RNF212: variants seen among roughly 807,000 people sequenced by gnomAD.
The protein encoded by RNF212 is ring finger protein 212, also known as probable E3 SUMO-protein ligase RNF212.
Under a neutral mutation model 34.7 loss-of-function variants are expected in RNF212, and 33 were observed. The ratio of observed to expected loss-of-function variants is 0.95; its 90% CI spans 0.72 to 1.27. The LOEUF (loss-of-function observed/expected upper bound fraction) is 1.27, where lower values mean the gene tolerates loss of function less well. Ranked by LOEUF, RNF212 falls within the 50% of genes most tolerant of loss-of-function variation. RNF212 has a pLI of 0.00. For missense variants in RNF212, 377 were observed against 362.2 expected, an observed-to-expected ratio of 1.04 and a Z score of -0.33; for synonymous variants, 140 against 136.1, an observed-to-expected ratio of 1.03 and a Z score of -0.20.
chr4:1,057,469 G>C (rs535819248), intron 4 of RNF212, among the ~76,000 whole-genome samples: 12 of 152,296 alleles, frequency 7.9e-5, no homozygotes, highest in African/African-American at 2.9e-4. Context: ...AGGGGGAGGT[G>C]AACTGTGGTC....
At chr4:1,098,529 CCTGG>C (rs917204872) in intron 2 of RNF212, among the ~76,000 whole-genome samples, 1 of 152,092 alleles carries the variant, frequency 6.6e-6, no homozygotes, top group African/African-American at 2.4e-5. Flanking sequence ...AGAGGGGAGA[CCTGG>C]CTCTGGCTCG....
chr4:1,082,917 C>T (rs1024985680), intron 5 of RNF212, among the ~76,000 whole-genome samples: 5 of 152,186 alleles, frequency 3.3e-5, no homozygotes, highest in African/African-American at 1.2e-4. Flanking sequence ...CTCTAAAATG[C>T]ACTGTTTCGT....
intron 1 of RNF212, among the ~76,000 whole-genome samples, chr4:1,110,377 A>G (rs1383012828): frequency 6.6e-6 from 1 of 152,158 alleles, no homozygotes; most frequent in East Asian, 1.9e-4. Flanking sequence ...GAATAGAAAC[A>G]GGCACTTCCT....
chr4:1,075,195 C>T (rs1479362805), intron 8 of RNF212, among the ~76,000 whole-genome samples: 1 of 152,240 alleles, frequency 6.6e-6, no homozygotes, highest in Non-Finnish European at 1.5e-5. Context: ...GGTGTGTTCA[C>T]ATCTGCATTT....
At position 1,097,656 on chromosome 4, in the gene RNF212, C is replaced by T. The variant is rs535862164; in HGVS notation, c.172-817G>A. ...TTCCTTCACAAGTGCCTTCAGGATG[C>T]CCTGCCTCACCTCCCTGCACCTCTG... is the stretch of plus-strand genomic sequence containing the variant. On this transcript the variant is annotated intron_variant, in intron 2 of 9. Transcript: ENST00000433731. Among the ~76,000 whole-genome samples, 6 of 152,196 alleles carry T rather than the reference C, an allele frequency of 3.9e-5. No homozygotes were observed. The East Asian group carries it at 9.7e-4, about 25-fold the overall frequency.
chr4:1,089,444 T>C (rs1721842087), intron 4 of RNF212, among the ~76,000 whole-genome samples: 2 of 152,242 alleles, frequency 1.3e-5, no homozygotes, highest in Non-Finnish European at 2.9e-5. Flanking sequence ...TTGTTTTTGA[T>C]TCTACAGGCT....
At chr4:1,085,579 C>G in intron 5 of RNF212, 1 of 436,510 alleles carries the variant, frequency 2.3e-6, no homozygotes, top group South Asian at 3.4e-5. Context: ...AGGGCCACCC[C>G]ACCTGTGCTG....
chr4:1,108,310 A>G, intron 2 of RNF212, 33 bp downstream of exon 2: 1 of 1,362,588 alleles, frequency 7.3e-7, no homozygotes, highest in Non-Finnish European at 9.9e-7. Context: ...TATGACTGTG[A>G]TTAAGATGCA....
chr4:1,090,880 GT>G, intron 3 of RNF212, 42 bp from the exon 4 acceptor site: 1 of 1,319,072 alleles, frequency 7.6e-7, no homozygotes, highest in Non-Finnish European at 1.1e-6. Context: ...CAGATCCACG[GT>G]CTCTGTGGCT....
intron 3 of RNF212, among the ~76,000 whole-genome samples, chr4:1,064,297 C>G (rs757814155): frequency 1.3e-5 from 2 of 152,200 alleles, no homozygotes; most frequent in African/African-American, 4.8e-5. Flanking sequence ...GGAATTCAGT[C>G]GGTGTTCACC....
intron 8 of RNF212, among the ~76,000 whole-genome samples, chr4:1,078,494 G>A (rs1051475893): frequency 6.6e-6 from 1 of 152,184 alleles, no homozygotes; most frequent in East Asian, 1.9e-4. Flanking sequence ...GGTTTCCTCT[G>A]GTCTTGCTTC....
chr4:1,086,651 T>A (rs192924988), intron 4 of RNF212, among the ~76,000 whole-genome samples: 194 of 514 alleles, frequency 0.38, 24 homozygotes, highest in African/African-American at 0.61. Context: ...GGGGGTGGGG[T>A]GACAGAAGAG....
At chr4:1,097,529 C>G (rs1422118018) in intron 2 of RNF212, among the ~76,000 whole-genome samples, 1 of 152,078 alleles carries the variant, frequency 6.6e-6, no homozygotes, top group African/African-American at 2.4e-5. Flanking sequence ...GGCATGAACC[C>G]AGGAGGCAGA....
intron 2 of RNF212, among the ~76,000 whole-genome samples, chr4:1,097,328 G>C (rs1577775870): frequency 6.6e-6 from 1 of 152,164 alleles, no homozygotes; most frequent in Non-Finnish European, 1.5e-5. Flanking sequence ...TCGTAGGTCG[G>C]GAGCGGTGGC....
chr4:1,079,255 G>A (rs1577674590), intron 8 of RNF212, among the ~76,000 whole-genome samples: 1 of 152,066 alleles, frequency 6.6e-6, no homozygotes, highest in East Asian at 1.9e-4. Flanking sequence ...GTCAACACAG[G>A]ACCAACATGG....
At chr4:1,093,577 G>C (rs1467276511) in intron 3 of RNF212, 2 of 1,132,560 alleles carry the variant, frequency 1.8e-6, no homozygotes, top group Non-Finnish European at 2.4e-6. Context: ...AGAGGCACGA[G>C]AGGCAGAGCA....
intron 3 of RNF212, among the ~76,000 whole-genome samples, chr4:1,063,769 G>A (rs978252218): frequency 6.6e-6 from 1 of 151,846 alleles, no homozygotes; most frequent in Admixed American, 6.6e-5. Flanking sequence ...AGATACTCAG[G>A]AGGCTGAGGT....
At chr4:1,094,037 C>A in intron 3 of RNF212, 1 of 1,422,810 alleles carries the variant, frequency 7.0e-7, no homozygotes, top group Non-Finnish European at 9.2e-7. Flanking sequence ...CAGGCTGTTT[C>A]AGAAGCAAGG....
chr4:1,063,590 C>T lies in RNF212; in HGVS notation n.148-5197G>A, dbSNP rs530725450. Among the ~76,000 whole-genome samples the T allele has an allele frequency of 8.6e-5, 13 of 151,406 alleles. No homozygotes were observed. The East Asian group carries it at 2.3e-3, about 27-fold the overall frequency. ...GTGGTGCGCACCTGTAATCCCAGCT[C>T]GTCAGGAGGCTGAGGCAGGAGAATC... On this transcript the variant is annotated intron_variant and non_coding_transcript_variant, in intron 3 of 4. Transcript: ENST00000503206.
Sources: gnomAD v4.1 joint callset for allele counts (sites outside exome capture counted in the v4.1 genomes callset) on GRCh38, gnomAD v4.1.1 for gene constraint, MANE v1.5 for transcripts, NCBI Gene and HGNC (gene_info 2026-07-23, HGNC 2026-07-21) for gene names.